The following GPATCH1 variants were observed in gnomAD, a reference collection of about 807,000 sequenced individuals.
GPATCH1 encodes G patch domain-containing protein 1.
In GPATCH1, 73 loss-of-function variants were observed where a neutral mutation model predicts 114.9. The observed-to-expected ratio is 0.64, with a 90% CI of 0.53 to 0.77. GPATCH1 has a LOEUF of 0.77. Ranked by LOEUF, GPATCH1 falls within the 30% of genes least tolerant of loss-of-function variation. GPATCH1 has a pLI of 0.00. For synonymous variants in GPATCH1, 391 were observed against 428.4 expected (o/e 0.91, Z 1.08); for missense variants, 1,058 against 1,144.3 (o/e 0.92, Z 1.09).
At chr19:33,127,691 G>A (rs1368941203) in intron 19 of GPATCH1, among the ~76,000 whole-genome samples, 2 of 151,622 alleles carry the variant, frequency 1.3e-5, no homozygotes, top group Non-Finnish European at 2.9e-5. Flanking sequence ...ACACACTCAC[G>A]TACATGGATG....
At chr19:33,108,357 C>A (rs1352169043) in intron 10 of GPATCH1, among the ~76,000 whole-genome samples, 1 of 152,196 alleles carries the variant, frequency 6.6e-6, no homozygotes, top group African/African-American at 2.4e-5. Flanking sequence ...CAGGCTGCAC[C>A]ATCCACCACC....
chr19:33,118,557 G>A (rs749095549), intron 16 of GPATCH1, among the ~76,000 whole-genome samples: 2 of 152,168 alleles, frequency 1.3e-5, no homozygotes, highest in East Asian at 1.9e-4. Flanking sequence ...GATTATTAAC[G>A]TGAATATGAT....
At chr19:33,115,999 T>G (rs916255705) in intron 15 of GPATCH1, among the ~76,000 whole-genome samples, 1 of 152,194 alleles carries the variant, frequency 6.6e-6, no homozygotes, top group South Asian at 2.1e-4. Flanking sequence ...ATAATTTTTA[T>G]ATTCCATTTG....
chr19:33,101,439 C>A, intron 8 of GPATCH1, 56 bp from the exon 9 acceptor site: 2 of 950,430 alleles, frequency 2.1e-6, no homozygotes, highest in South Asian at 1.4e-5. Flanking sequence ...CTGATGTGTT[C>A]TGTCTTATTC....
chr19:33,103,241 A>C (rs1050591061), intron 9 of GPATCH1, among the ~76,000 whole-genome samples: 3 of 152,206 alleles, frequency 2.0e-5, no homozygotes, highest in African/African-American at 7.2e-5. Flanking sequence ...TGTCTGGGAC[A>C]CGGGAGGCCA....
intron 9 of GPATCH1, among the ~76,000 whole-genome samples, chr19:33,106,324 G>T (rs1400495237): frequency 6.6e-6 from 1 of 152,136 alleles, no homozygotes; most frequent in Non-Finnish European, 1.5e-5. Flanking sequence ...TCCATGCTTT[G>T]AATGGTACTT....
intron 5 of GPATCH1, 111 bp downstream of exon 5, chr19:33,094,380 G>A (rs555996937): frequency 6.2e-6 from 4 of 647,312 alleles, no homozygotes; most frequent in African/African-American, 5.4e-5. Context: ...GTGCGATCCC[G>A]GCATACTGCA....
chr19:33,125,248 G>T (rs989922142), intron 18 of GPATCH1, 46 bp downstream of exon 18: 2 of 1,561,358 alleles, frequency 1.3e-6, no homozygotes, highest in African/African-American at 1.4e-5. Context: ...GGTGGGACCC[G>T]CTGGTCAGCC....
At chr19:33,088,430 C>T (rs536153678) in intron 2 of GPATCH1, among the ~76,000 whole-genome samples, 162 bp downstream of exon 2, 4 of 151,600 alleles carry the variant, frequency 2.6e-5, no homozygotes, top group Non-Finnish European at 5.9e-5. Flanking sequence ...CTGCAACCTC[C>T]GCCTCCTGGA....
At position 33,109,713 on chromosome 19, in the gene GPATCH1, T is replaced by G. The variant is rs1972827761; in HGVS notation, c.1286-4T>G. The G allele has an allele frequency of 3.9e-6, 6 of 1,538,508 alleles. No individual in the cohort carries two copies. Among genetic ancestry groups the G allele is most frequent in the Admixed American group, 2.1e-5 (1 of 47,734 alleles). On this transcript the variant is annotated splice_region_variant and splice_polypyrimidine_tract_variant and intron_variant, in intron 10 of 19. Transcript: ENST00000170564. ...CATCTCTTCTAATTACTGTTTTTAT[T>G]TAGGTTCAGCTACTTCAGTGTTAGA...
intron 18 of GPATCH1, 105 bp from the exon 19 acceptor site, chr19:33,126,481 ATT>A (rs1409623238): frequency 6.6e-7 from 1 of 1,526,046 alleles, no homozygotes; most frequent in African/African-American, 1.4e-5. Context: ...AGGTTTAAAC[ATT>A]TTTTTGAATG....
chr19:33,116,946 G>A (rs1972922824), intron 15 of GPATCH1, among the ~76,000 whole-genome samples: 1 of 152,194 alleles, frequency 6.6e-6, no homozygotes, highest in South Asian at 2.1e-4. Context: ...TATAATCCCA[G>A]CACTTTGGGA....
intron 9 of GPATCH1, among the ~76,000 whole-genome samples, chr19:33,105,514 GTTA>G (rs1180488708): frequency 2.6e-5 from 4 of 151,208 alleles, no homozygotes; most frequent in Non-Finnish European, 5.9e-5. Flanking sequence ...AATAACTACA[GTTA>G]TTATTATTAT....
At chr19:33,084,673 T>C (rs1486427451) in intron 1 of GPATCH1, among the ~76,000 whole-genome samples, 1 of 151,506 alleles carries the variant, frequency 6.6e-6, no homozygotes, top group South Asian at 2.1e-4. Flanking sequence ...TTTTCTTTTT[T>C]TTTTTGAGAT....
chr19:33,110,160 T>G, intron 11 of GPATCH1, 144 bp downstream of exon 11: 1 of 689,384 alleles, frequency 1.5e-6, no homozygotes, highest in Non-Finnish European at 2.4e-6. Context: ...GTGCAAAGGT[T>G]TCAGGCCTTG....
chr19:33,096,067 T>C, intron 6 of GPATCH1, 140 bp from the exon 7 acceptor site: 1 of 888,390 alleles, frequency 1.1e-6, no homozygotes, highest in African/African-American at 1.7e-5. Context: ...CAGAAAGTGA[T>C]TTAGTCATTT....
rs555892341 is a variant in GPATCH1 at position 33,099,501 on chromosome 19, C to T, written c.1000+1599C>T. On this transcript the variant is annotated intron_variant, in intron 8 of 19. Coordinates refer to ENST00000170564, the MANE Select transcript of GPATCH1 (RefSeq NM_018025.3). ...TCTCCCCCAGCTTCCTCTCTCCCCC[C>T]CTGCAGGGTCACAGCATCTGTAGTT... Among the ~76,000 whole-genome samples the T allele has an allele frequency of 3.6e-4, 55 of 152,174 alleles. 1 individual carries two copies. The highest frequency in any genetic ancestry group is 1.9e-4 in the East Asian group (1 of 5,186).
rs200275356 is a variant in GPATCH1 at position 33,119,023 on chromosome 19, A to C, written c.2427A>C (p.Ala809=). 1.2e-6 allele frequency: 2 copies of C among 1,609,764 alleles called. No individual in the cohort carries two copies. The highest frequency in any genetic ancestry group is 2.2e-5 in the East Asian group (1 of 44,762). Residue 809 remains alanine (A), a synonymous_variant, in exon 17 of 20, where the codon GCA becomes GCC. Transcript: ENST00000170564. The part of the protein sequence containing the change: ...TSSVAHALVP[A]PQEPPPSFPI... ...GCTGTTTTTCAGCTCTTGTGCCAGC[A>C]CCCCAGGAGCCGCCACCTTCCTTCC...
At chr19:33,120,973 GAGCAA>G (rs2145337770) in intron 17 of GPATCH1, among the ~76,000 whole-genome samples, 1 of 151,612 alleles carries the variant, frequency 6.6e-6, no homozygotes, top group Admixed American at 6.6e-5. Flanking sequence ...CTGGGCGACA[GAGCAA>G]GACTCCGTCT....
Sources: allele counts gnomAD v4.1 joint callset (sites outside exome capture counted in the v4.1 genomes callset), GRCh38; gene constraint gnomAD v4.1.1; transcripts MANE v1.5; gene names NCBI Gene and HGNC (gene_info 2026-07-23, HGNC 2026-07-21).